PRMT2: variants seen among roughly 807,000 people sequenced by gnomAD.
PRMT2 encodes protein arginine N-methyltransferase 2.
In PRMT2, 26 loss-of-function variants were observed where a neutral mutation model predicts 57.6. The ratio of observed to expected loss-of-function variants is 0.45; its 90% CI spans 0.33 to 0.63. PRMT2 has a LOEUF of 0.63. Ranked by LOEUF, PRMT2 falls within the 20% of genes least tolerant of loss-of-function variation. The pLI, the probability that PRMT2 is intolerant of heterozygous loss-of-function variation, is 0.02. For missense variants in PRMT2, 472 were observed against 564.4 expected (o/e 0.84, Z 1.66); for synonymous variants, 219 against 220.0 (o/e 1.00, Z 0.04).
chr21:46,660,194 T>A, intron 8 of PRMT2: 1 of 977,624 alleles, frequency 1.0e-6, no homozygotes, highest in Non-Finnish European at 1.2e-6. Flanking sequence ...CTGTGGTAAA[T>A]AATCGGTGAC....
chr21:46,638,498 G>A (rs1023184043), intron 3 of PRMT2, among the ~76,000 whole-genome samples: 1 of 152,206 alleles, frequency 6.6e-6, no homozygotes, highest in Non-Finnish European at 1.5e-5. Context: ...TAATGGCATT[G>A]CAGGGTGCAA....
At position 46,665,057 on chromosome 21, in the gene PRMT2, T is replaced by C. The variant is rs2061683573; in HGVS notation, c.*730T>C. Reference sequence around the variant, plus strand: ...TCAATATTGTGAAAAAACTTCCACATCAGTAGATACATGTCCATAATTTTT... The same window carrying C: ...TCAATATTGTGAAAAAACTTCCACACCAGTAGATACATGTCCATAATTTTT... On this transcript the variant is annotated 3_prime_UTR_variant, in exon 12 of 12. Transcript: ENST00000355680. 2 of 152,226 alleles carry C rather than the reference T, an allele frequency of 1.3e-5. No individual in the cohort carries two copies. Among genetic ancestry groups the C allele is most frequent in the African/African-American group, 4.8e-5 (2 of 41,448 alleles). 9.4% of individuals were successfully genotyped at this position (152,226 alleles called of 1,614,324 possible).
At chr21:46,652,891 CG>C (rs2061482573) in intron 7 of PRMT2, 1 of 1,302,814 alleles carries the variant, frequency 7.7e-7, no homozygotes, top group African/African-American at 1.5e-5. Context: ...CCACGATTTC[CG>C]AGAAGCAGGT....
rs745862834 is a variant in PRMT2, at chr21:46,649,715, T to A, written c.630T>A (p.Ser210=). Residue 210 remains serine (S), a synonymous_variant, in exon 7 of 12, where the codon TCT becomes TCA. Coordinates refer to ENST00000355680, the MANE Select transcript of PRMT2 (RefSeq NM_206962.4). The surrounding 1 kb of genome is among the most constrained non-coding windows in gnomAD (Gnocchi z 4.8). Reference sequence around the variant, plus strand: ...CCGAGAAGGTGGACGTGCTGGTGTCTGAGTGGATGGGGACCTGCCTGCTGG... The same window carrying A: ...CCGAGAAGGTGGACGTGCTGGTGTCAGAGTGGATGGGGACCTGCCTGCTGG... ...VLPEKVDVLV[S]EWMGTCLLFE... is the part of the protein sequence containing the mutation. 1.2e-6 allele frequency: 2 copies of A among 1,613,634 alleles called. No individual in the cohort carries two copies. The highest frequency in any genetic ancestry group is 8.5e-7 in the Non-Finnish European group (1 of 1,179,904).
chr21:46,659,488 G>C (rs1040268806), intron 8 of PRMT2: 1 of 982,602 alleles, frequency 1.0e-6, no homozygotes, highest in African/African-American at 1.8e-5. Flanking sequence ...TAGCCAGATG[G>C]AATTGCAGCC....
intron 7 of PRMT2, chr21:46,653,244 T>A: frequency 1.3e-5 from 13 of 985,430 alleles, no homozygotes; most frequent in Non-Finnish European, 1.6e-5. Context: ...TGTACTGTTT[T>A]ATTGACTGTA....
chr21:46,663,829 A>AGGCC (rs2061665938), intron 11 of PRMT2, among the ~76,000 whole-genome samples: 1 of 152,198 alleles, frequency 6.6e-6, no homozygotes, highest in Non-Finnish European at 1.5e-5. Flanking sequence ...CATCAGCCTG[A>AGGCC]GGCCCCTTGT....
intron 7 of PRMT2, chr21:46,652,071 A>C: frequency 1.3e-6 from 2 of 1,595,982 alleles, no homozygotes; most frequent in Non-Finnish European, 1.7e-6. Context: ...TAGGAGGGGC[A>C]GCTTTCAGTC....
intron 7 of PRMT2, chr21:46,651,827 C>T (rs780629864): frequency 4.3e-5 from 70 of 1,612,934 alleles, no homozygotes; most frequent in East Asian, 2.0e-4. Context: ...CCTGAGCTGC[C>T]GCATTCTCCC....
chr21:46,644,256 A>G, intron 4 of PRMT2, 50 bp from the exon 5 acceptor site: 1 of 1,560,100 alleles, frequency 6.4e-7, no homozygotes, highest in South Asian at 1.2e-5. Flanking sequence ...GCCACATTTG[A>G]AATACCAATG....
chr21:46,663,781 C>T (rs529294860), intron 11 of PRMT2, among the ~76,000 whole-genome samples: 1 of 152,326 alleles, frequency 6.6e-6, no homozygotes, highest in Non-Finnish European at 1.5e-5. Context: ...AAGTCATTCC[C>T]TCAGGTGACA....
At chr21:46,660,043 C>T in intron 8 of PRMT2, 1 of 983,160 alleles carries the variant, frequency 1.0e-6, no homozygotes, top group Non-Finnish European at 1.2e-6. Context: ...TTTCTTTATA[C>T]TTGTCCATAG....
chr21:46,653,649 G>T, intron 7 of PRMT2: 1 of 1,234,306 alleles, frequency 8.1e-7, no homozygotes. Flanking sequence ...TTTCTTTTTG[G>T]TTGCATTCCC....
intron 7 of PRMT2, 122 bp from the exon 8 acceptor site, chr21:46,658,623 G>A: frequency 6.7e-7 from 1 of 1,502,344 alleles, no homozygotes. Context: ...GGCCTAGGCA[G>A]GAATATTCTT....
chr21:46,644,187 C>T (rs1314365621), intron 4 of PRMT2, 119 bp from the exon 5 acceptor site: 3 of 987,732 alleles, frequency 3.0e-6, no homozygotes, highest in Non-Finnish European at 4.4e-6. Flanking sequence ...TGTCATTACC[C>T]ACTGACTCCT....
rs771608394 is a variant in PRMT2 at position 46,643,652 on chromosome 21, G to A, written c.144+13G>A. 6 of 1,593,306 alleles carry A rather than the reference G, an allele frequency of 3.8e-6. No homozygotes were observed. The Admixed American group carries it at 9.3e-5, about 25-fold the overall frequency. On this transcript the variant is annotated intron_variant, in intron 4 of 11. Coordinates refer to ENST00000355680, the MANE Select transcript of PRMT2 (RefSeq NM_206962.4). ...CGATGAGACCCAGGTAGCCACACGT[G>A]GTGGTTAATGCTTTATGGCTTTCAG... is the stretch of plus-strand genomic sequence containing the variant.
rs775798156 is a variant in PRMT2 at position 46,661,780 on chromosome 21, T to G, written c.961-20T>G. ...GTGCCACGCGGTGCCCACGCGTGCC[T>G]TGTCATCTGCTTGACCCAGACCCTG... is the stretch of plus-strand genomic sequence containing the variant. On this transcript the variant is annotated intron_variant, in intron 9 of 11. Transcript: ENST00000355680. The G allele has an allele frequency of 1.5e-6, 2 of 1,355,916 alleles. No homozygotes were observed. The highest frequency in any genetic ancestry group is 3.0e-5 in the African/African-American group (2 of 65,930). 84.0% of individuals were successfully genotyped at this position (1,355,916 alleles called of 1,614,324 possible). A position where few individuals can be genotyped will look rare whatever the true frequency, so the allele number is the denominator to read the frequency against.
At chr21:46,663,321 C>T in intron 10 of PRMT2, 62 bp from the exon 11 acceptor site, 3 of 1,525,432 alleles carry the variant, frequency 2.0e-6, no homozygotes, top group South Asian at 1.2e-5. Context: ...GTCAGCGCCC[C>T]GAGGGCCATG....
In PRMT2 at chr21:46,664,404, C is replaced by G. The variant is rs746494912; in HGVS notation, c.*77C>G. 2 of 1,556,242 alleles carry G rather than the reference C, an allele frequency of 1.3e-6. No homozygotes were observed. Reference sequence around the variant, plus strand: ...CACAAGCAAACCAAGTTGCACCTGGCTTCTGCACACTCCTGCGAAAGTCGG... The same window carrying G: ...CACAAGCAAACCAAGTTGCACCTGGGTTCTGCACACTCCTGCGAAAGTCGG... On this transcript the variant is annotated 3_prime_UTR_variant, in exon 12 of 12. Coordinates refer to ENST00000355680, the MANE Select transcript of PRMT2 (RefSeq NM_206962.4).
Sources: gnomAD v4.1 joint callset for allele counts (sites outside exome capture counted in the v4.1 genomes callset) on GRCh38, gnomAD v4.1.1 for gene constraint, Gnocchi (gnomAD v3.1) non-coding constraint, MANE v1.5 for transcripts, NCBI Gene and HGNC (gene_info 2026-07-23, HGNC 2026-07-21) for gene names.